The following RYK variants were observed in gnomAD, a reference collection of about 807,000 sequenced individuals.
The protein encoded by RYK is receptor like tyrosine kinase.
A neutral mutation model predicts 70.2 loss-of-function variants in RYK; 21 were observed. That is an observed-to-expected ratio of 0.30 (90% CI 0.21 to 0.43). The LOEUF (loss-of-function observed/expected upper bound fraction) is 0.43. Among genes scored for constraint, RYK ranks in the 20% least tolerant of loss-of-function variants. The probability of loss-of-function intolerance (pLI) is 1.00; values close to 1 mark genes in which losing one functional copy is unlikely to be tolerated. For missense variants in RYK, 604 were observed against 753.3 expected (o/e 0.80, Z 2.32); for synonymous variants, 267 against 278.0 (o/e 0.96, Z 0.39).
intron 8 of RYK, among the ~76,000 whole-genome samples, chr3:134,191,154 A>G (rs2013629829): frequency 6.6e-6 from 1 of 152,210 alleles, no homozygotes; most frequent in Non-Finnish European, 1.5e-5. Flanking sequence ...AACAACATGA[A>G]GAGCTCAGTG....
At position 134,246,343 on chromosome 3, in the gene RYK, C is replaced by CACACACAG. The variant is rs1553713139; in HGVS notation, c.232+4079_232+4080insCTGTGTGT. 2.4e-4 allele frequency among the ~76,000 whole-genome samples: 25 copies of CACACACAG among 105,804 alleles called. No homozygotes were observed. In the East Asian group the frequency reaches 4.2e-3, roughly 18 times the overall value. The allele number at this position is 105,804 out of a possible 152,430, so 69.4% of individuals were successfully genotyped here. On this transcript the variant is annotated intron_variant, in intron 1 of 14. Transcript: ENST00000623711. ...ACACACACACACACACACACACACACAGAGAGAGAGAAAATAAAGGGTGGG... is the reference window on the plus strand; with the variant it reads ...ACACACACACACACACACACACACACACACACAGAGAGAGAGAGAAAATAAAGGGTGGG...
At chr3:134,195,320 C>A in intron 6 of RYK, 138 bp from the exon 7 acceptor site, 1 of 618,756 alleles carries the variant, frequency 1.6e-6, no homozygotes, top group Non-Finnish European at 2.9e-6. Flanking sequence ...CATGATGTTC[C>A]AATACTGATA....
chr3:134,191,273 T>TA (rs1388610412), intron 8 of RYK, among the ~76,000 whole-genome samples: 1 of 152,234 alleles, frequency 6.6e-6, no homozygotes, highest in African/African-American at 2.4e-5. Context: ...GGAAGCATAC[T>TA]AACACCTGGC....
At chr3:134,228,946 C>T (rs1273073755) in intron 1 of RYK, among the ~76,000 whole-genome samples, 1 of 151,818 alleles carries the variant, frequency 6.6e-6, no homozygotes, top group African/African-American at 2.4e-5. Context: ...AGATATGTAT[C>T]AAAACACCAA....
At position 134,201,558 on chromosome 3, in the gene RYK, G is replaced by T. The variant is rs568902480; in HGVS notation, c.788+1172C>A. ...GACAGAGACAGAGACAAAGAGAAAG[G>T]GGTGTTTGGGAGGCTTAGAAAAGAC... On this transcript the variant is annotated intron_variant, in intron 6 of 14. Coordinates refer to ENST00000623711, the MANE Select transcript of RYK (RefSeq NM_002958.4). Among the ~76,000 whole-genome samples, 5 of 152,230 alleles carry T rather than the reference G, an allele frequency of 3.3e-5. No individual in the cohort carries two copies. In the South Asian group the frequency reaches 1.0e-3, roughly 32 times the overall value.
At chr3:134,236,279 G>A (rs2015198941) in intron 1 of RYK, among the ~76,000 whole-genome samples, 1 of 152,096 alleles carries the variant, frequency 6.6e-6, no homozygotes. Flanking sequence ...TAGGAAAGGA[G>A]AGGTATAATG....
intron 1 of RYK, among the ~76,000 whole-genome samples, chr3:134,230,600 TATAGA>T (rs1463974672): frequency 6.6e-6 from 1 of 152,220 alleles, no homozygotes; most frequent in Non-Finnish European, 1.5e-5. Context: ...TATATAAAGT[TATAGA>T]ATAGGCAAAA....
chr3:134,196,582 A>AACACACACACACACACACAC (rs57185535), intron 6 of RYK, among the ~76,000 whole-genome samples: 18 of 128,496 alleles, frequency 1.4e-4, no homozygotes, highest in East Asian at 8.5e-4. Flanking sequence ...TCTGAAACAA[A>AACACACACACACACACACAC]ACACACACAC....
At chr3:134,195,693 T>C (rs1236071669) in intron 6 of RYK, among the ~76,000 whole-genome samples, 1 of 152,212 alleles carries the variant, frequency 6.6e-6, no homozygotes, top group African/African-American at 2.4e-5. Context: ...ACGCCTGTAA[T>C]CCCAACACTT....
intron 6 of RYK, among the ~76,000 whole-genome samples, chr3:134,200,023 C>T (rs964680362): frequency 6.6e-6 from 1 of 151,740 alleles, no homozygotes; most frequent in African/African-American, 2.4e-5. Context: ...GTAAAACGGA[C>T]CAATCACCAC....
intron 1 of RYK, among the ~76,000 whole-genome samples, chr3:134,229,978 T>C (rs796171404): frequency 1.8e-4 from 28 of 152,322 alleles, no homozygotes; most frequent in African/African-American, 5.8e-4. Context: ...AAACACAGTT[T>C]CTTATAAAGT....
intron 1 of RYK, among the ~76,000 whole-genome samples, chr3:134,236,194 G>A (rs1051649260): frequency 6.6e-6 from 1 of 152,062 alleles, no homozygotes; most frequent in Non-Finnish European, 1.5e-5. Flanking sequence ...TGAGTCAAAG[G>A]TTATGTAAGT....
At chr3:134,193,078 T>C (rs577597089) in intron 7 of RYK, among the ~76,000 whole-genome samples, 1 of 152,196 alleles carries the variant, frequency 6.6e-6, no homozygotes, top group African/African-American at 2.4e-5. Context: ...TATATATATG[T>C]AGTAAGTAAA....
At chr3:134,181,398 T>C (rs1000929216) in intron 10 of RYK, 1 of 152,218 alleles carries the variant, frequency 6.6e-6, no homozygotes, top group African/African-American at 2.4e-5. Context: ...GTAAAAATAT[T>C]TGTTCTCCTT....
intron 1 of RYK, among the ~76,000 whole-genome samples, chr3:134,225,854 T>C (rs2014892544): frequency 6.9e-6 from 1 of 144,812 alleles, no homozygotes; most frequent in African/African-American, 2.5e-5. Context: ...ACCCTCTCTC[T>C]TTAAAAAATA....
chr3:134,228,297 G>GA (rs895414909), intron 1 of RYK, among the ~76,000 whole-genome samples: 3 of 150,386 alleles, frequency 2.0e-5, no homozygotes, highest in Admixed American at 6.6e-5. Context: ...TGTGTAGGGG[G>GA]AAAAAAAAAT....
chr3:134,205,108 G>A (rs1404416443), intron 5 of RYK, among the ~76,000 whole-genome samples: 5 of 152,134 alleles, frequency 3.3e-5, no homozygotes, highest in Non-Finnish European at 7.4e-5. Context: ...TTGGATAAGG[G>A]TAACTTTACA....
intron 13 of RYK, among the ~76,000 whole-genome samples, chr3:134,173,686 G>T (rs899983731): frequency 7.2e-5 from 11 of 152,112 alleles, no homozygotes; most frequent in African/African-American, 2.4e-4. Flanking sequence ...TTGACGTGGG[G>T]ATTATGGGAA....
Position 134,159,318 on chromosome 3 carries a change from A to C in RYK, c.1631T>G (p.Val544Gly), listed in dbSNP as rs1230833404. The C allele has an allele frequency of 6.2e-7, 1 of 1,613,924 alleles. No individual in the cohort carries two copies. Among genetic ancestry groups the C allele is most frequent in the East Asian group, 2.2e-5 (1 of 44,880 alleles). Reference protein sequence around the residue: ...ELMTLGQTPYVDIDPFEMAAY... With the variant: ...ELMTLGQTPYGDIDPFEMAAY... ...GGCCATCTCGAAGGGGTCAATGTCC[A>C]CGTAGGGAGTCTGGCCCAGAGTCAT... is the stretch of plus-strand genomic sequence containing the variant. The change falls in exon 14 of 15, where the codon GTG (valine) becomes GGG (glycine). Residue 544 changes from valine to glycine, a missense_variant. By Grantham distance (109) the Val-to-Gly change is moderately radical. Coordinates refer to ENST00000623711, the MANE Select transcript of RYK (RefSeq NM_002958.4).
Sources: allele counts gnomAD v4.1 joint callset (sites outside exome capture counted in the v4.1 genomes callset), GRCh38; gene constraint gnomAD v4.1.1; transcripts MANE v1.5; gene names NCBI Gene and HGNC (gene_info 2026-07-23, HGNC 2026-07-21).